The following SUB1 variants were observed in gnomAD, a reference collection of about 807,000 sequenced individuals.
The protein encoded by SUB1 is SUB1 regulator of transcription.
SUB1 carries 1 observed loss-of-function variant against 16.9 expected under a neutral mutation model. That is an observed-to-expected ratio of 0.06 (90% CI 0.02 to 0.28). SUB1 has a LOEUF of 0.28. SUB1 is among the 10% of genes least tolerant of loss of function. The pLI, the probability that SUB1 is intolerant of heterozygous loss-of-function variation, is 1.00. For missense variants in SUB1, 84 were observed against 145.2 expected, an observed-to-expected ratio of 0.58 and a Z score of 2.16; for synonymous variants, 51 against 46.9, an observed-to-expected ratio of 1.09 and a Z score of -0.36.
At chr5:32,592,603 G>A (rs1325421140) in intron 3 of SUB1, among the ~76,000 whole-genome samples, 1 of 152,158 alleles carries the variant, frequency 6.6e-6, no homozygotes, top group Non-Finnish European at 1.5e-5. Flanking sequence ...GGGCTTAGAT[G>A]GTTTTTCCTA....
rs70961652 is a variant in SUB1, at chr5:32,590,762, A to ATTTTTTTTT, written c.73-786_73-778dup. Among the ~76,000 whole-genome samples the ATTTTTTTTT allele has an allele frequency of 2.3e-3, 78 of 33,978 alleles. 23 individuals are homozygous for ATTTTTTTTT. The highest frequency in any genetic ancestry group is 8.4e-3 in the East Asian group (14 of 1,676). 22.3% of individuals were successfully genotyped at this position (33,978 alleles called of 152,430 possible). On this transcript the variant is annotated intron_variant, in intron 2 of 4. Coordinates refer to ENST00000265073, the MANE Select transcript of SUB1 (RefSeq NM_006713.4). ...AGGCGTGTGCCACCACGCCTGGCTA[A>ATTTTTTTTT]TTTTTTTTTTTTTTTTTTTTTTTGA...
Position 32,600,998 on chromosome 5 carries a change from G to C in SUB1, c.305-7G>C, listed in dbSNP as rs776993351. 2.5e-6 allele frequency: 4 copies of C among 1,610,788 alleles called. No individual in the cohort carries two copies. The highest frequency in any genetic ancestry group is 1.3e-5 in the African/African-American group (1 of 74,938). On this transcript the variant is annotated splice_region_variant and splice_polypyrimidine_tract_variant and intron_variant, in intron 4 of 4. Coordinates refer to ENST00000265073, the MANE Select transcript of SUB1 (RefSeq NM_006713.4). The stretch of plus-strand genomic sequence containing the variant: ...TTTCACCTTTGAATTTTTAAACTTT[G>C]TTTTAGGTATTTCTTTAAATCCAGA...
chr5:32,591,698 A>ATTTTTTT lies in SUB1; in HGVS notation c.195+27_195+33dup. On this transcript the variant is annotated intron_variant, in intron 3 of 4. Coordinates refer to ENST00000265073, the MANE Select transcript of SUB1 (RefSeq NM_006713.4). ...TAACATGTTTCAGGTAAAGTTGGCT[A>ATTTTTTT]TTTTTTTTTTTTTTTTTTTTGACAT... 1 of 1,384,544 alleles carries ATTTTTTT rather than the reference A, an allele frequency of 7.2e-7. No individual in the cohort carries two copies. Among genetic ancestry groups the ATTTTTTT allele is most frequent in the Non-Finnish European group, 9.4e-7 (1 of 1,067,082 alleles). The allele number at this position is 1,384,544 out of a possible 1,614,324, so 85.8% of individuals were successfully genotyped here.
At chr5:32,594,614 A>T (rs1738909678) in intron 3 of SUB1, 1 of 455,430 alleles carries the variant, frequency 2.2e-6, no homozygotes, top group Non-Finnish European at 4.4e-6. Context: ...CCTGCACAGG[A>T]GGTGAGCGGT....
At chr5:32,590,361 G>A (rs934061657) in intron 2 of SUB1, among the ~76,000 whole-genome samples, 1 of 151,866 alleles carries the variant, frequency 6.6e-6, no homozygotes. Context: ...TGTTTGGGTT[G>A]GGTATTGTAG....
chr5:32,590,095 C>CACT (rs1738779894), intron 2 of SUB1, among the ~76,000 whole-genome samples: 1 of 152,174 alleles, frequency 6.6e-6, no homozygotes, highest in Non-Finnish European at 1.5e-5. Context: ...GCCAGACATG[C>CACT]ACTATTCCAC....
intron 2 of SUB1, among the ~76,000 whole-genome samples, chr5:32,589,069 C>T (rs894561986): frequency 6.9e-6 from 1 of 144,664 alleles, no homozygotes; most frequent in African/African-American, 2.9e-5. Context: ...TAGAAATTTA[C>T]CAGATTTTTT....
chr5:32,591,405 C>G, intron 2 of SUB1, 158 bp from the exon 3 acceptor site: 2 of 1,011,786 alleles, frequency 2.0e-6, no homozygotes, highest in Non-Finnish European at 2.7e-6. Flanking sequence ...TGGTTAGATT[C>G]ATAGTTTTGT....
chr5:32,587,937 G>A (rs887818725), intron 1 of SUB1, among the ~76,000 whole-genome samples: 10 of 152,066 alleles, frequency 6.6e-5, no homozygotes, highest in African/African-American at 2.4e-4. Context: ...GTGTACTCTT[G>A]AATTAGTACC....
In SUB1 at chr5:32,602,564, C is replaced by T. The variant is rs1739141989; in HGVS notation, c.*1480C>T. The T allele has an allele frequency of 6.0e-6, 1 of 166,442 alleles. No homozygotes were observed. The highest frequency in any genetic ancestry group is 5.9e-5 in the Admixed American group (1 of 16,974). The allele number at this position is 166,442 out of a possible 1,614,324, so 10.3% of individuals were successfully genotyped here. The stretch of plus-strand genomic sequence containing the variant: ...ATACATCTAAAACATTTTGTAGTTA[C>T]TTGTCAAGGACTTAATTTGAAAATC... On this transcript the variant is annotated 3_prime_UTR_variant, in exon 5 of 5. Coordinates refer to ENST00000265073, the MANE Select transcript of SUB1 (RefSeq NM_006713.4).
chr5:32,603,437 A>T lies in SUB1; in HGVS notation c.*2353A>T, dbSNP rs1399733497. The T allele has an allele frequency of 1.3e-5, 2 of 152,062 alleles. No individual in the cohort carries two copies. The highest frequency in any genetic ancestry group is 2.9e-5 in the Non-Finnish European group (2 of 67,978). 9.4% of individuals were successfully genotyped at this position (152,062 alleles called of 1,614,324 possible). ...CAGGTTTTTCCCTTTAACAGACTCT[A>T]TGTGTATCAGGGCTTTCTAATGGGT... On this transcript the variant is annotated 3_prime_UTR_variant, in exon 5 of 5. Coordinates refer to ENST00000265073, the MANE Select transcript of SUB1 (RefSeq NM_006713.4).
intron 2 of SUB1, among the ~76,000 whole-genome samples, chr5:32,591,061 G>A (rs1159492047): frequency 1.3e-5 from 2 of 152,004 alleles, no homozygotes; most frequent in Admixed American, 6.5e-5. Flanking sequence ...GAGCTACCGC[G>A]CCCGGCCCAT....
chr5:32,601,197 A>G lies in SUB1; in HGVS notation c.*113A>G, dbSNP rs763058507. On this transcript the variant is annotated 3_prime_UTR_variant, in exon 5 of 5. Coordinates refer to ENST00000265073, the MANE Select transcript of SUB1 (RefSeq NM_006713.4). ...AAGCTATTGTATGTTTGGATTGCAGAAGAATTTGTAAGATGAATACTTTTT... is the reference window on the plus strand; with the variant it reads ...AAGCTATTGTATGTTTGGATTGCAGGAGAATTTGTAAGATGAATACTTTTT... 2.7e-5 allele frequency: 21 copies of G among 773,948 alleles called. No individual in the cohort carries two copies. The highest frequency in any genetic ancestry group is 4.2e-5 in the Non-Finnish European group (20 of 477,960). The allele number at this position is 773,948 out of a possible 1,614,324, so 47.9% of individuals were successfully genotyped here.
In SUB1 at chr5:32,585,591, C is replaced by A. The variant is rs757290923; in HGVS notation, c.-36C>A. 1.3e-5 allele frequency: 2 copies of A among 152,236 alleles called. No homozygotes were observed. The highest frequency in any genetic ancestry group is 2.9e-5 in the Non-Finnish European group (2 of 68,074). 9.4% of individuals were successfully genotyped at this position (152,236 alleles called of 1,614,324 possible). A position where few individuals can be genotyped will look rare whatever the true frequency, so the allele number is the denominator to read the frequency against. On this transcript the variant is annotated 5_prime_UTR_variant, in exon 1 of 5. Coordinates refer to ENST00000265073, the MANE Select transcript of SUB1 (RefSeq NM_006713.4). ...TCTCTGTCAGTCGCGAGCGAACGAC[C>A]AAGAGGGTGTTCGACTGCTAGAGCC...
chr5:32,590,379 T>G (rs1238861393), intron 2 of SUB1, among the ~76,000 whole-genome samples: 1 of 152,094 alleles, frequency 6.6e-6, no homozygotes, highest in Non-Finnish European at 1.5e-5. Flanking sequence ...TAGTGGTTTT[T>G]ATGGGTTAGC....
At chr5:32,600,109 G>A (rs1739079229) in intron 4 of SUB1, among the ~76,000 whole-genome samples, 1 of 152,188 alleles carries the variant, frequency 6.6e-6, no homozygotes, top group Non-Finnish European at 1.5e-5. Flanking sequence ...TACTGGTGAG[G>A]AAACTAAGGC....
At chr5:32,588,674 C>A in intron 2 of SUB1, 90 bp downstream of exon 2, 2 of 1,328,768 alleles carry the variant, frequency 1.5e-6, no homozygotes, top group African/African-American at 1.5e-5. Context: ...GTATTAACAT[C>A]TTAAAATGAG....
intron 2 of SUB1, 116 bp downstream of exon 2, chr5:32,588,700 G>C (rs1053517000): frequency 9.7e-6 from 10 of 1,031,378 alleles, no homozygotes; most frequent in Non-Finnish European, 2.7e-6. Context: ...AGCTGGGCGC[G>C]GTGGCTCATG....
intron 3 of SUB1, chr5:32,596,765 C>T (rs988426766): frequency 2.3e-4 from 35 of 152,098 alleles, no homozygotes; most frequent in African/African-American, 8.2e-4. Flanking sequence ...CCTCTTATGT[C>T]TGTCTTTACT....
Sources: allele counts gnomAD v4.1 joint callset (sites outside exome capture counted in the v4.1 genomes callset), GRCh38; gene constraint gnomAD v4.1.1; transcripts MANE v1.5; gene names NCBI Gene and HGNC (gene_info 2026-07-23, HGNC 2026-07-21).